Variants in DTHD1 observed in about 807,000 individuals in gnomAD.
DTHD1 encodes death domain-containing protein 1.
In DTHD1, 59 loss-of-function variants were observed where a neutral mutation model predicts 74.8. The ratio of observed to expected loss-of-function variants is 0.79; its 90% CI spans 0.64 to 0.98. The LOEUF (loss-of-function observed/expected upper bound fraction) is 0.98, where lower values mean the gene tolerates loss of function less well. DTHD1 is among the 50% of genes least tolerant of loss of function. The pLI is 0.00. For missense variants in DTHD1, 1,051 were observed against 1,065.4 expected, an observed-to-expected ratio of 0.99 and a Z score of 0.19; for synonymous variants, 365 against 371.1, an observed-to-expected ratio of 0.98 and a Z score of 0.19.
At chr4:36,308,130 G>A in intron 6 of DTHD1, 74 bp from the exon 7 acceptor site, 2 of 1,342,622 alleles carry the variant, frequency 1.5e-6, no homozygotes, top group Non-Finnish European at 2.0e-6. Context: ...CTCTTTTCTT[G>A]GGTGTTATTA....
At chr4:36,292,159 G>C (rs987388159) in intron 3 of DTHD1, among the ~76,000 whole-genome samples, 2 of 152,104 alleles carry the variant, frequency 1.3e-5, no homozygotes, top group Non-Finnish European at 2.9e-5. Flanking sequence ...AAGTTTATAG[G>C]TATGATAGTC....
At chr4:36,293,197 T>C (rs551177621) in intron 3 of DTHD1, among the ~76,000 whole-genome samples, 1 of 152,336 alleles carries the variant, frequency 6.6e-6, no homozygotes, top group Non-Finnish European at 1.5e-5. Flanking sequence ...TTCTCGCTAA[T>C]GGAGGCTAGA....
At chr4:36,308,810 C>G (rs1757213286) in intron 7 of DTHD1, among the ~76,000 whole-genome samples, 1 of 152,172 alleles carries the variant, frequency 6.6e-6, no homozygotes, top group African/African-American at 2.4e-5. Flanking sequence ...CTAAGTGCTT[C>G]CATTATTGGC....
At chr4:36,295,916 A>G (rs1756368492) in intron 5 of DTHD1, among the ~76,000 whole-genome samples, 1 of 152,148 alleles carries the variant, frequency 6.6e-6, no homozygotes, top group Admixed American at 6.5e-5. Context: ...TCATAAAAAA[A>G]GAAACAATCA....
intron 8 of DTHD1, among the ~76,000 whole-genome samples, chr4:36,326,434 A>G (rs1037246153): frequency 2.0e-5 from 3 of 151,438 alleles, no homozygotes; most frequent in Non-Finnish European, 4.4e-5. Flanking sequence ...AAAACCTTAA[A>G]TAAAAGTTTC....
At chr4:36,341,980 T>A (rs1418527458) in intron 9 of DTHD1, among the ~76,000 whole-genome samples, 1 of 152,128 alleles carries the variant, frequency 6.6e-6, no homozygotes, top group Non-Finnish European at 1.5e-5. Context: ...GCCAAGGAGG[T>A]AGAATAATTC....
rs572666241 is a variant in DTHD1, at chr4:36,321,280, T to C, written c.2340+4794T>C. The stretch of plus-strand genomic sequence containing the variant: ...TGAAATGGTAGCAGTTCGTGGTCTG[T>C]TAGGAACCAGGAGGTGAACGTTGGG... On this transcript the variant is annotated intron_variant, in intron 8 of 9. Transcript: ENST00000639862. Among the ~76,000 whole-genome samples the C allele has an allele frequency of 3.9e-5, 6 of 152,336 alleles. No individual in the cohort carries two copies. The East Asian group carries it at 5.8e-4, about 15-fold the overall frequency.
At chr4:36,333,820 C>T (rs1002599675) in intron 8 of DTHD1, 25 of 152,108 alleles carry the variant, frequency 1.6e-4, no homozygotes, top group African/African-American at 6.0e-4. Context: ...TGGGGGGCAC[C>T]TAGTGGAACA....
chr4:36,284,923 A>G (rs1407167821), intron 2 of DTHD1, among the ~76,000 whole-genome samples: 2 of 152,108 alleles, frequency 1.3e-5, no homozygotes, highest in African/African-American at 2.4e-5. Flanking sequence ...CTCATGACCT[A>G]ATCATATCCC....
chr4:36,314,135 G>T (rs1255741491), intron 7 of DTHD1, among the ~76,000 whole-genome samples: 1 of 150,016 alleles, frequency 6.7e-6, no homozygotes, highest in African/African-American at 2.5e-5. Flanking sequence ...TTTGCAAAGG[G>T]ATCTACTCCT....
Position 36,284,394 on chromosome 4 carries a change from G to T in DTHD1, c.690G>T (p.Glu230Asp). Residue 230 changes from glutamate (E) to aspartate (D), a missense_variant, in exon 2 of 10, where the codon GAG (glutamate) becomes GAT (aspartate). Glu to Asp is a conservative substitution (Grantham distance 45). Transcript: ENST00000639862. Reference protein sequence around the residue: ...DDKQIEHMTVENINGNREETH... With the variant: ...DDKQIEHMTVDNINGNREETH... ...AACAAATAGAACACATGACTGTTGAGAACATAAATGGCAACAGGGAAGAGA... is the reference window on the plus strand; with the variant it reads ...AACAAATAGAACACATGACTGTTGATAACATAAATGGCAACAGGGAAGAGA... 3 of 1,537,040 alleles carry T rather than the reference G, an allele frequency of 2.0e-6. No individual in the cohort carries two copies. Among genetic ancestry groups the T allele is most frequent in the Non-Finnish European group, 2.6e-6 (3 of 1,146,820 alleles).
intron 8 of DTHD1, among the ~76,000 whole-genome samples, chr4:36,318,782 T>C (rs2109528184): frequency 6.6e-6 from 1 of 151,984 alleles, no homozygotes; most frequent in South Asian, 2.1e-4. Flanking sequence ...GCCCAGCTAA[T>C]TTTTTGTATT....
chr4:36,311,017 T>C (rs1757372085), intron 7 of DTHD1, among the ~76,000 whole-genome samples: 1 of 152,176 alleles, frequency 6.6e-6, no homozygotes, highest in South Asian at 2.1e-4. Context: ...CAAATGATTT[T>C]CCTGTAATAC....
chr4:36,308,550 A>C (rs942834400), intron 7 of DTHD1, 57 bp downstream of exon 7: 6 of 1,389,616 alleles, frequency 4.3e-6, no homozygotes, highest in Non-Finnish European at 5.7e-6. Context: ...CAAGCTCTTC[A>C]GAAGAGTTTG....
chr4:36,295,512 GA>G (rs1178899028), intron 5 of DTHD1, among the ~76,000 whole-genome samples: 1 of 151,506 alleles, frequency 6.6e-6, no homozygotes, highest in East Asian at 1.9e-4. Context: ...TCAAGGGTAA[GA>G]AAAAAACCAA....
chr4:36,302,219 G>A (rs948814365), intron 5 of DTHD1, among the ~76,000 whole-genome samples: 1 of 152,206 alleles, frequency 6.6e-6, no homozygotes, highest in Non-Finnish European at 1.5e-5. Context: ...TCAGATCATG[G>A]GGGATCTTCC....
intron 9 of DTHD1, among the ~76,000 whole-genome samples, chr4:36,340,077 T>A (rs13120892): frequency 0.7 from 106,208 of 151,718 alleles, 37,809 homozygotes; most frequent in African/African-American, 0.81. Flanking sequence ...ATCCTTCTTA[T>A]GGGTACTAGG....
chr4:36,293,668 C>T lies in DTHD1; in HGVS notation c.1361C>T (p.Pro454Leu), dbSNP rs756535211. ...MDSRISLNYP[P>L]GVFTSPVLVQ... is the part of the protein sequence containing the mutation. ...TCCCGAATATCCTTAAATTACCCTC[C>T]AGGAGTTTTTACCTCTCCAGTGCTG... The change falls in exon 4 of 10, where the codon CCA becomes CTA. Residue 454 changes from proline (P) to leucine (L), a missense_variant. Physicochemically the swap from Pro to Leu is moderately conservative, Grantham distance 98. Transcript: ENST00000639862. 6.5e-7 allele frequency: 1 copy of T among 1,542,104 alleles called. No homozygotes were observed. The highest frequency in any genetic ancestry group is 1.2e-5 in the South Asian group (1 of 82,720).
chr4:36,309,867 C>T (rs1757286678), intron 7 of DTHD1, among the ~76,000 whole-genome samples: 1 of 152,068 alleles, frequency 6.6e-6, no homozygotes, highest in Non-Finnish European at 1.5e-5. Flanking sequence ...GTTTTTCAGC[C>T]CTTGTAGTCT....
Sources: allele counts gnomAD v4.1 joint callset (sites outside exome capture counted in the v4.1 genomes callset), GRCh38; gene constraint gnomAD v4.1.1; transcripts MANE v1.5; gene names NCBI Gene and HGNC (gene_info 2026-07-23, HGNC 2026-07-21).